BRINP3: variants seen among roughly 807,000 people sequenced by gnomAD.
The protein encoded by BRINP3 is BMP/retinoic acid-inducible neural-specific protein 3.
In BRINP3, 19 loss-of-function variants were observed where a neutral mutation model predicts 71.0. The observed-to-expected ratio is 0.27, with a 90% CI of 0.19 to 0.39. The LOEUF (loss-of-function observed/expected upper bound fraction) is 0.39, where lower values mean the gene tolerates loss of function less well. BRINP3 is among the 10% of genes least tolerant of loss of function. BRINP3 has a pLI of 1.00. For missense variants in BRINP3, 959 were observed against 940.8 expected, an observed-to-expected ratio of 1.02 and a Z score of -0.25; for synonymous variants, 380 against 337.7, an observed-to-expected ratio of 1.13 and a Z score of -1.37.
intron 6 of BRINP3, among the ~76,000 whole-genome samples, chr1:190,219,084 A>C (rs1656652282): frequency 6.6e-6 from 1 of 152,124 alleles, no homozygotes; most frequent in African/African-American, 2.4e-5. Flanking sequence ...AGAGCCAAGA[A>C]TAAAGCAGAC....
intron 6 of BRINP3, among the ~76,000 whole-genome samples, chr1:190,178,931 A>G (rs1267735341): frequency 6.6e-6 from 1 of 152,144 alleles, no homozygotes; most frequent in Non-Finnish European, 1.5e-5. Context: ...ATGAAATTTG[A>G]TTATCAGCTT....
chr1:190,227,095 T>G (rs1419158982), intron 5 of BRINP3, among the ~76,000 whole-genome samples: 2 of 151,918 alleles, frequency 1.3e-5, no homozygotes, highest in Non-Finnish European at 2.9e-5. Flanking sequence ...GTCTGGCTAC[T>G]TAAGAATACT....
chr1:190,258,639 T>TA (rs1660890709), intron 4 of BRINP3, among the ~76,000 whole-genome samples: 1 of 152,218 alleles, frequency 6.6e-6, no homozygotes, highest in Non-Finnish European at 1.5e-5. Flanking sequence ...AAAGAAATAC[T>TA]ATGAACAATT....
chr1:190,399,593 T>C (rs1300778866), intron 2 of BRINP3, among the ~76,000 whole-genome samples: 1 of 152,028 alleles, frequency 6.6e-6, no homozygotes, highest in Non-Finnish European at 1.5e-5. Context: ...TAAATGCAGA[T>C]ACAAGTGAAG....
intron 1 of BRINP3, 60 bp downstream of exon 1, chr1:190,477,388 A>C (rs1224637086): frequency 1.3e-5 from 2 of 152,222 alleles, no homozygotes; most frequent in Non-Finnish European, 2.9e-5. Context: ...TCAACAAAAC[A>C]GAGCTTATTA....
intron 7 of BRINP3, among the ~76,000 whole-genome samples, chr1:190,149,529 T>A (rs903296124): frequency 1.3e-5 from 2 of 152,114 alleles, no homozygotes; most frequent in African/African-American, 4.8e-5. Context: ...ATTGCTCTCC[T>A]TATGTATTAA....
chr1:190,200,086 C>T lies in BRINP3; in HGVS notation c.961+25996G>A, dbSNP rs141928389. Reference sequence around the variant, plus strand: ...GAAGCTTTTCCTTATTGTTTCTCATCGATACACCAAGCTTTGTTTCCCTTC... The same window carrying T: ...GAAGCTTTTCCTTATTGTTTCTCATTGATACACCAAGCTTTGTTTCCCTTC... On this transcript the variant is annotated intron_variant, in intron 6 of 7. Coordinates refer to ENST00000367462, the MANE Select transcript of BRINP3 (RefSeq NM_199051.3). 7.9e-5 allele frequency among the ~76,000 whole-genome samples: 12 copies of T among 152,126 alleles called. No homozygotes were observed. The East Asian group carries it at 1.9e-3, about 25-fold the overall frequency.
At chr1:190,317,112 C>T (rs1665934624) in intron 2 of BRINP3, among the ~76,000 whole-genome samples, 1 of 135,182 alleles carries the variant, frequency 7.4e-6, no homozygotes, top group South Asian at 2.5e-4. Flanking sequence ...AGGGTGGTTT[C>T]AATGAGCCGA....
chr1:190,267,120 G>C (rs965756125), intron 3 of BRINP3, among the ~76,000 whole-genome samples: 1 of 152,058 alleles, frequency 6.6e-6, no homozygotes, highest in Non-Finnish European at 1.5e-5. Flanking sequence ...AGTAATGATA[G>C]AAATATATAC....
intron 7 of BRINP3, among the ~76,000 whole-genome samples, chr1:190,102,530 GT>G (rs907836617): frequency 6.6e-6 from 1 of 152,118 alleles, no homozygotes; most frequent in East Asian, 1.9e-4. Flanking sequence ...GTCTTCTGTT[GT>G]TTTTTATCAA....
At chr1:190,152,348 T>G (rs1009589539) in intron 7 of BRINP3, among the ~76,000 whole-genome samples, 2 of 152,028 alleles carry the variant, frequency 1.3e-5, no homozygotes, top group Admixed American at 1.3e-4. Flanking sequence ...AGCAAATAAT[T>G]ATTCATTACC....
At chr1:190,114,752 T>C (rs571106817) in intron 7 of BRINP3, among the ~76,000 whole-genome samples, 2 of 152,106 alleles carry the variant, frequency 1.3e-5, no homozygotes, top group Non-Finnish European at 2.9e-5. Flanking sequence ...CTCACCTGGA[T>C]TTCTTTCCCA....
intron 6 of BRINP3, among the ~76,000 whole-genome samples, chr1:190,181,683 C>A (rs899483991): frequency 6.6e-6 from 1 of 151,958 alleles, no homozygotes; most frequent in African/African-American, 2.4e-5. Context: ...CCTTTACTCT[C>A]ATTCATTTAT....
chr1:190,339,754 T>G (rs2103106869), intron 2 of BRINP3, among the ~76,000 whole-genome samples: 1 of 152,058 alleles, frequency 6.6e-6, no homozygotes, highest in South Asian at 2.1e-4. Flanking sequence ...TTTATTTCTG[T>G]TATCGTATGG....
chr1:190,342,336 A>G (rs1667714595), intron 2 of BRINP3: 2 of 146,546 alleles, frequency 1.4e-5, no homozygotes, highest in Non-Finnish European at 3.0e-5. Context: ...TTGGGGGGCC[A>G]CTATTCTGCT....
chr1:190,375,532 C>T (rs546524538), intron 2 of BRINP3, among the ~76,000 whole-genome samples: 1 of 151,838 alleles, frequency 6.6e-6, no homozygotes, highest in East Asian at 1.9e-4. Context: ...AGATAAAAAG[C>T]CTAGCATATC....
chr1:190,154,836 T>C (rs566967683), intron 7 of BRINP3, among the ~76,000 whole-genome samples: 5 of 152,236 alleles, frequency 3.3e-5, no homozygotes, highest in African/African-American at 9.6e-5. Context: ...TGGAAAACCA[T>C]TTTTACTTGA....
chr1:190,386,887 T>A (rs1662096), intron 2 of BRINP3, among the ~76,000 whole-genome samples: 54,869 of 151,674 alleles, frequency 0.36, 10,945 homozygotes, highest in Admixed American at 0.49. Context: ...TCTTTTGTTC[T>A]CTAATTTTAC....
At chr1:190,114,526 C>CTG (rs34766118) in intron 7 of BRINP3, among the ~76,000 whole-genome samples, 22,671 of 142,912 alleles carry the variant, frequency 0.16, 1,672 homozygotes, top group East Asian at 0.21. Flanking sequence ...AAGTTTGCCA[C>CTG]TGTGTGTGTG....
Sources: allele counts gnomAD v4.1 joint callset (sites outside exome capture counted in the v4.1 genomes callset), GRCh38; gene constraint gnomAD v4.1.1; transcripts MANE v1.5; gene names NCBI Gene and HGNC (gene_info 2026-07-23, HGNC 2026-07-21).